LOXL3: variants seen among roughly 807,000 people sequenced by gnomAD.
LOXL3 encodes lysyl oxidase like 3, also known as lysyl oxidase homolog 3.
Under a neutral mutation model 91.8 loss-of-function variants are expected in LOXL3, and 60 were observed. That is an observed-to-expected ratio of 0.65 (90% CI 0.53 to 0.81). LOXL3 has a LOEUF of 0.81. LOXL3 is among the 30% of genes least tolerant of loss of function. LOXL3 has a pLI of 0.00. For missense variants in LOXL3, 874 were observed against 1,000.4 expected (o/e 0.87, Z 1.70); for synonymous variants, 355 against 387.6 (o/e 0.92, Z 0.99).
In LOXL3 at chr2:74,552,504, A is replaced by T; in HGVS notation, c.131T>A (p.Phe44Tyr). 6.2e-7 allele frequency: 1 copy of T among 1,613,666 alleles called. No individual in the cohort carries two copies. The change falls in exon 2 of 14, where the codon TTC becomes TAC. Residue 44 changes from phenylalanine to tyrosine, a missense_variant. By Grantham distance (22) the Phe-to-Tyr change is conservative. Transcript: ENST00000264094. Reference protein sequence around the residue: ...EKKAGSQGLRFRLAGFPRKPY... With the variant: ...EKKAGSQGLRYRLAGFPRKPY... ...CTTCCTGGGGAAGCCAGCCAGCCGG[A>T]ACCGAAGCCCCTGGCTCCCGGCCTT...
rs374283370 is a variant in LOXL3, at chr2:74,532,725, G to C, written c.*881C>G. 3.5e-4 allele frequency: 567 copies of C among 1,612,758 alleles called. No homozygotes were observed. Among genetic ancestry groups the C allele is most frequent in the Non-Finnish European group, 4.5e-4 (533 of 1,179,002 alleles). ...CTCCCCTGCACACCGGTGAGGGAGA[G>C]GCTGCAGTGTGATATGGGGATGGGC... is the stretch of plus-strand genomic sequence containing the variant. On this transcript the variant is annotated 3_prime_UTR_variant, in exon 14 of 14. Transcript: ENST00000264094.
Position 74,549,380 on chromosome 2 carries a change from C to A in LOXL3, c.681G>T (p.Ala227=). The stretch of plus-strand genomic sequence containing the variant: ...CCGCGGCCCCTCACCTGTAGAAGGC[C>A]GCGTTGACCCTCTTTTCGCTGGGGA... ...LGFPSEKRVN[A]AFYRLLAQRQ... Residue 227 remains alanine (A), a synonymous_variant, in exon 4 of 14, where the codon GCG becomes GCT. Transcript: ENST00000264094. This position sits in a 1 kb window ranked among gnomAD's most constrained non-coding sequence, Gnocchi z 5.3. 6.2e-7 allele frequency: 1 copy of A among 1,606,060 alleles called. No homozygotes were observed. Among genetic ancestry groups the A allele is most frequent in the South Asian group, 1.1e-5 (1 of 89,876 alleles).
Position 74,552,533 on chromosome 2 carries a change from C to G in LOXL3, c.102G>C (p.Glu34Asp). 6.2e-7 allele frequency: 1 copy of G among 1,613,104 alleles called. No individual in the cohort carries two copies. Among genetic ancestry groups the G allele is most frequent in the Non-Finnish European group, 8.5e-7 (1 of 1,179,734 alleles). ...LGSPSPSTGPEKKAGSQGLRF... is the reference protein window; with the variant it reads ...LGSPSPSTGPDKKAGSQGLRF... ...GAAGCCCCTGGCTCCCGGCCTTCTT[C>G]TCAGGGCCCGTGGAAGGGGACGGAG... Residue 34 changes from glutamate (E) to aspartate (D), a missense_variant, in exon 2 of 14, where the codon GAG becomes GAC. Physicochemically the swap from Glu to Asp is conservative, Grantham distance 45. Coordinates refer to ENST00000264094, the MANE Select transcript of LOXL3 (RefSeq NM_032603.5).
chr2:74,547,869 T>C (rs1676699415), intron 4 of LOXL3, among the ~76,000 whole-genome samples: 1 of 152,184 alleles, frequency 6.6e-6, no homozygotes, highest in Non-Finnish European at 1.5e-5. Flanking sequence ...GATTACTAAA[T>C]TGGAAGGCTG....
intron 4 of LOXL3, among the ~76,000 whole-genome samples, chr2:74,541,318 T>C (rs1451696614): frequency 1.3e-5 from 2 of 152,204 alleles, no homozygotes; most frequent in East Asian, 1.9e-4. Context: ...CAATCCCCCA[T>C]GGTTACTGAG....
chr2:74,538,766 C>T (rs772516993), intron 4 of LOXL3, among the ~76,000 whole-genome samples: 3 of 152,166 alleles, frequency 2.0e-5, no homozygotes, highest in African/African-American at 4.8e-5. Flanking sequence ...ATCCTTTAGG[C>T]AAATGTAACC....
intron 4 of LOXL3, among the ~76,000 whole-genome samples, chr2:74,537,272 G>T (rs1676084980): frequency 6.6e-6 from 1 of 152,234 alleles, no homozygotes; most frequent in Non-Finnish European, 1.5e-5. Context: ...CCTCAGGGAA[G>T]GGGAAACCAG....
In LOXL3 at chr2:74,532,661, T is replaced by A. The variant is rs149488361; in HGVS notation, c.*945A>T. The A allele has an allele frequency of 6.2e-7, 1 of 1,613,840 alleles. No individual in the cohort carries two copies. The highest frequency in any genetic ancestry group is 8.5e-7 in the Non-Finnish European group (1 of 1,180,034). On this transcript the variant is annotated 3_prime_UTR_variant, in exon 14 of 14. Transcript: ENST00000264094. The stretch of plus-strand genomic sequence containing the variant: ...AGCTTCGAGAACCAAGCTTTCCCGA[T>A]GTTCAGCATGGTGTACTCATCCATA...
chr2:74,549,909 C>G lies in LOXL3; in HGVS notation c.477+276G>C. The G allele has an allele frequency of 1.0e-6, 1 of 985,442 alleles. No homozygotes were observed. The allele number at this position is 985,442 out of a possible 1,614,324, so 61.0% of individuals were successfully genotyped here. ...TCAGAAGGAAGATGTCTCAGGAAAG[C>G]AGGAACATTTGAGGAGAAGGAGAGC... On this transcript the variant is annotated intron_variant, in intron 3 of 13. Coordinates refer to ENST00000264094, the MANE Select transcript of LOXL3 (RefSeq NM_032603.5). This position sits in a 1 kb window ranked among gnomAD's most constrained non-coding sequence, Gnocchi z 5.3.
rs1675671467 is a variant in LOXL3, at chr2:74,532,343, C to A, written c.*1263G>T. On this transcript the variant is annotated 3_prime_UTR_variant, in exon 14 of 14. Coordinates refer to ENST00000264094, the MANE Select transcript of LOXL3 (RefSeq NM_032603.5). ...CATCCTTTTAGGCTCAACTTAAGTT[C>A]TTTCCCCTTAAAGCTTCTCTTAGTA... 2 of 496,526 alleles carry A rather than the reference C, an allele frequency of 4.0e-6. No homozygotes were observed. Among genetic ancestry groups the A allele is most frequent in the South Asian group, 4.1e-5 (2 of 48,562 alleles). 30.8% of individuals were successfully genotyped at this position (496,526 alleles called of 1,614,324 possible). A position where few individuals can be genotyped will look rare whatever the true frequency, so the allele number is the denominator to read the frequency against.
In LOXL3 at chr2:74,536,080, G is replaced by T. The variant is rs969774550; in HGVS notation, c.1164C>A (p.His388Gln). Residue 388 changes from histidine (H) to glutamine (Q), a missense_variant, in exon 7 of 14, where the codon CAC becomes CAA. His to Gln is a conservative substitution (Grantham distance 24, BLOSUM62 0). Transcript: ENST00000264094. This position sits in a 1 kb window ranked among gnomAD's most constrained non-coding sequence, Gnocchi z 4.5. ...GQELSLWKCP[H>Q]KNITAEDCSH... ...AACAATCCTCAGCTGTGATGTTCTT[G>T]TGGGGGCACTTCCAGAGGGAGAGCT... The T allele has an allele frequency of 3.1e-6, 5 of 1,613,542 alleles. No homozygotes were observed. Among genetic ancestry groups the T allele is most frequent in the Non-Finnish European group, 4.2e-6 (5 of 1,179,702 alleles).
chr2:74,540,679 G>C (rs1250034633), intron 4 of LOXL3, among the ~76,000 whole-genome samples: 1 of 121,534 alleles, frequency 8.2e-6, no homozygotes. Context: ...TTTTTTTTTT[G>C]GTCTTTGAGA....
chr2:74,538,195 A>G (rs145854211), intron 4 of LOXL3, among the ~76,000 whole-genome samples: 2 of 152,312 alleles, frequency 1.3e-5, no homozygotes, highest in South Asian at 4.1e-4. Context: ...TCTTCTAAAC[A>G]TCCTCATTCC....
At chr2:74,541,211 A>G (rs901590153) in intron 4 of LOXL3, among the ~76,000 whole-genome samples, 14 of 152,226 alleles carry the variant, frequency 9.2e-5, no homozygotes, top group African/African-American at 3.1e-4. Flanking sequence ...TTTAAAGCAT[A>G]CAGAGGATGT....
At chr2:74,546,961 G>A (rs966129027) in intron 4 of LOXL3, among the ~76,000 whole-genome samples, 2 of 151,994 alleles carry the variant, frequency 1.3e-5, no homozygotes, top group Admixed American at 6.6e-5. Context: ...GGTGATCCGC[G>A]CCTCGACCTC....
intron 1 of LOXL3, 101 bp downstream of exon 1, chr2:74,553,775 C>T (rs1677182798): frequency 6.6e-6 from 1 of 152,638 alleles, no homozygotes; most frequent in Non-Finnish European, 1.5e-5. Flanking sequence ...AGTTGGGTGG[C>T]TTCCCCTCGA....
intron 4 of LOXL3, among the ~76,000 whole-genome samples, chr2:74,544,026 G>A (rs1001805028): frequency 2.6e-5 from 4 of 151,764 alleles, no homozygotes; most frequent in East Asian, 1.9e-4. Flanking sequence ...TTCAATGGCC[G>A]GGCACGGTGG....
chr2:74,534,429 T>C lies in LOXL3; in HGVS notation c.1826A>G (p.His609Arg). 1 of 1,614,180 alleles carries C rather than the reference T, an allele frequency of 6.2e-7. No homozygotes were observed. Among genetic ancestry groups the C allele is most frequent in the Non-Finnish European group, 8.5e-7 (1 of 1,180,008 alleles). The change falls in exon 11 of 14, where the codon CAT (histidine) becomes CGT (arginine). Residue 609 changes from histidine (H) to arginine (R), a missense_variant and splice_region_variant. Transcript: ENST00000264094. ...HSWVWHECHG[H>R]YHSMDIFTHY... ...AGTGAAGATGTCCATGCTGTGGTAATGCCTGTGGGGAGAAGGGAACTTCTG... is the reference window on the plus strand; with the variant it reads ...AGTGAAGATGTCCATGCTGTGGTAACGCCTGTGGGGAGAAGGGAACTTCTG...
In LOXL3 at chr2:74,532,974, G is replaced by T. The variant is rs1448729436; in HGVS notation, c.*632C>A. 1.2e-6 allele frequency: 2 copies of T among 1,613,850 alleles called. No homozygotes were observed. The highest frequency in any genetic ancestry group is 1.7e-6 in the Non-Finnish European group (2 of 1,179,926). ...ACTGACCTTATATGTGACCCCTGAG[G>T]TCACAGAATGAATAGATCACCAAGA... On this transcript the variant is annotated 3_prime_UTR_variant, in exon 14 of 14. Coordinates refer to ENST00000264094, the MANE Select transcript of LOXL3 (RefSeq NM_032603.5).
Sources: gnomAD v4.1 joint callset for allele counts (sites outside exome capture counted in the v4.1 genomes callset) on GRCh38, gnomAD v4.1.1 for gene constraint, Gnocchi (gnomAD v3.1) non-coding constraint, MANE v1.5 for transcripts, NCBI Gene and HGNC (gene_info 2026-07-23, HGNC 2026-07-21) for gene names.